Variants in TRIM16 observed in about 807,000 individuals in gnomAD.
TRIM16 encodes tripartite motif containing 16.
Under a neutral mutation model 50.4 loss-of-function variants are expected in TRIM16, and 33 were observed. That is an observed-to-expected ratio of 0.65 (90% CI 0.50 to 0.88). The LOEUF is 0.88. TRIM16 is among the 40% of genes least tolerant of loss of function. The pLI is 0.00. For missense variants in TRIM16, 581 were observed against 686.8 expected, an observed-to-expected ratio of 0.85 and a Z score of 1.72; for synonymous variants, 229 against 270.7, an observed-to-expected ratio of 0.85 and a Z score of 1.51.
chr17:15,643,144 A>C, intron 7 of TRIM16: 7 of 1,070,846 alleles, frequency 6.5e-6, no homozygotes, highest in East Asian at 6.6e-5. Flanking sequence ...ACCCCCAACA[A>C]TCTGAATGGA....
chr17:15,632,761 T>C, intron 9 of TRIM16, 87 bp from the exon 10 acceptor site: 6 of 1,398,164 alleles, frequency 4.3e-6, no homozygotes, highest in Non-Finnish European at 5.7e-6. Context: ...TTTTTGCATC[T>C]GTAAAATGGG....
intron 7 of TRIM16, among the ~76,000 whole-genome samples, chr17:15,645,898 G>C (rs1987353087): frequency 1.3e-5 from 2 of 152,322 alleles, no homozygotes; most frequent in South Asian, 4.1e-4. Flanking sequence ...CCTATTTGGG[G>C]GCAATCCTGG....
rs560453960 is a variant in TRIM16 at position 15,635,088 on chromosome 17, T to G, written c.849+948A>C. ...ATTATGGATTTTTTTTCTTCTTTTT[T>G]TGTACTTTCCAAGTTTTTCACAATA... On this transcript the variant is annotated intron_variant, in intron 9 of 11. Transcript: ENST00000649191. 4.0e-5 allele frequency among the ~76,000 whole-genome samples: 6 copies of G among 148,232 alleles called. 1 individual carries two copies. The South Asian group carries it at 1.3e-3, about 32-fold the overall frequency.
Position 15,639,078 on chromosome 17 carries a change from A to C in TRIM16, c.616-2809T>G, listed in dbSNP as rs1283448508. ...TTTTTTTTTTTTTTTTTTTTAGACA[A>C]GGTCTCCTCTGTTGCCAGGTTGGAG... On this transcript the variant is annotated intron_variant, in intron 8 of 11. Transcript: ENST00000649191. 4.3e-5 allele frequency among the ~76,000 whole-genome samples: 5 copies of C among 116,416 alleles called. 1 individual carries two copies. Among genetic ancestry groups the C allele is most frequent in the Non-Finnish European group, 6.6e-5 (4 of 60,366 alleles). The allele number at this position is 116,416 out of a possible 152,430, so 76.4% of individuals were successfully genotyped here.
intron 6 of TRIM16, among the ~76,000 whole-genome samples, chr17:15,658,346 T>C (rs1262263337): frequency 1.3e-5 from 2 of 152,190 alleles, no homozygotes; most frequent in African/African-American, 4.8e-5. Flanking sequence ...AAAGAAGCTA[T>C]CCAAGCGTTT....
chr17:15,667,730 A>G (rs9914511), intron 6 of TRIM16, among the ~76,000 whole-genome samples: 3,500 of 152,148 alleles, frequency 0.023, 136 homozygotes, highest in African/African-American at 0.079. Flanking sequence ...TATACCCCAC[A>G]CCCAATAGGG....
chr17:15,665,326 A>T (rs4792647), intron 6 of TRIM16, among the ~76,000 whole-genome samples: 5 of 149,110 alleles, frequency 3.4e-5, no homozygotes, highest in Non-Finnish European at 5.9e-5. Context: ...TGGCTAACCC[A>T]GTGAAACCCC....
chr17:15,674,452 T>C (rs570612966), intron 6 of TRIM16, among the ~76,000 whole-genome samples: 1 of 152,146 alleles, frequency 6.6e-6, no homozygotes, highest in Admixed American at 6.5e-5. Context: ...TGTAACAGAG[T>C]TTGGCCCCAT....
chr17:15,637,078 C>G lies in TRIM16; in HGVS notation c.616-809G>C, dbSNP rs374922547. On this transcript the variant is annotated intron_variant, in intron 8 of 11. Coordinates refer to ENST00000649191, the MANE Select transcript of TRIM16 (RefSeq NM_001348119.1). ...GCCACCCCATCTGGGAAGTGAGGAG[C>G]GTCTCCGCCCGGCAGCCACCCCGTC... 7.1e-3 allele frequency among the ~76,000 whole-genome samples: 1,031 copies of G among 145,272 alleles called. 47 individuals carry two copies. Among genetic ancestry groups the G allele is most frequent in the African/African-American group, 0.025 (983 of 39,200 alleles).
At chr17:15,654,676 C>T (rs763138187) in intron 6 of TRIM16, among the ~76,000 whole-genome samples, 22 of 152,068 alleles carry the variant, frequency 1.4e-4, no homozygotes, top group Non-Finnish European at 2.6e-4. Context: ...CATGTTTTTT[C>T]CTTGAAAAGT....
intron 8 of TRIM16, among the ~76,000 whole-genome samples, chr17:15,640,721 C>T (rs1456203905): frequency 6.7e-6 from 1 of 148,880 alleles, no homozygotes; most frequent in Non-Finnish European, 1.5e-5. Context: ...GGAGCGGGGG[C>T]AAATGGTGGT....
intron 9 of TRIM16, among the ~76,000 whole-genome samples, chr17:15,633,399 A>G (rs1986531207): frequency 6.6e-6 from 1 of 151,132 alleles, no homozygotes; most frequent in South Asian, 2.1e-4. Flanking sequence ...AATGCTATAT[A>G]CTGTACATGA....
chr17:15,632,109 C>T, intron 10 of TRIM16: 2 of 303,924 alleles, frequency 6.6e-6, no homozygotes, highest in South Asian at 6.8e-5. Context: ...AGACATTTGA[C>T]TGGGCACGGT....
chr17:15,665,305 C>A (rs145136441), intron 6 of TRIM16, among the ~76,000 whole-genome samples: 10,001 of 151,678 alleles, frequency 0.066, 982 homozygotes, highest in African/African-American at 0.23. Context: ...GAGGTCAGAT[C>A]GAGACCATCC....
chr17:15,682,984 G>A, intron 2 of TRIM16, 33 bp from the exon 3 acceptor site: 1 of 1,549,650 alleles, frequency 6.5e-7, no homozygotes, highest in Non-Finnish European at 8.7e-7. Flanking sequence ...GGTTGTGTGT[G>A]CATACTGCAG....
At position 15,628,528 on chromosome 17, in the gene TRIM16, T is replaced by A. The variant is rs1986217706; in HGVS notation, c.*87A>T. The A allele has an allele frequency of 1.4e-6, 2 of 1,388,766 alleles. No individual in the cohort carries two copies. The highest frequency in any genetic ancestry group is 5.3e-5 in the Admixed American group (2 of 37,804). 86.0% of individuals were successfully genotyped at this position (1,388,766 alleles called of 1,614,324 possible). ...ATAGGATTTCAAAAGCCAGCTACCA[T>A]CAGCAGTTATTTCTGCCCCCAAATC... is the stretch of plus-strand genomic sequence containing the variant. On this transcript the variant is annotated 3_prime_UTR_variant, in exon 12 of 12. Coordinates refer to ENST00000649191, the MANE Select transcript of TRIM16 (RefSeq NM_001348119.1).
intron 7 of TRIM16, among the ~76,000 whole-genome samples, chr17:15,647,219 G>A (rs1225056726): frequency 1.3e-5 from 2 of 150,906 alleles, no homozygotes; most frequent in African/African-American, 2.5e-5. Context: ...TGATCCACCC[G>A]CCTCGGCCTG....
At chr17:15,679,172 T>A (rs1200661454) in intron 4 of TRIM16, among the ~76,000 whole-genome samples, 1 of 152,008 alleles carries the variant, frequency 6.6e-6, no homozygotes, top group African/African-American at 2.4e-5. Flanking sequence ...AGCCACCGCA[T>A]CCAGCCAACA....
chr17:15,665,825 T>C (rs1988474956), intron 6 of TRIM16, among the ~76,000 whole-genome samples: 3 of 152,116 alleles, frequency 2.0e-5, no homozygotes. Flanking sequence ...CAGACCTGTA[T>C]ATCCAACTAC....
Sources: gnomAD v4.1 joint callset for allele counts (sites outside exome capture counted in the v4.1 genomes callset) on GRCh38, gnomAD v4.1.1 for gene constraint, MANE v1.5 for transcripts, NCBI Gene and HGNC (gene_info 2026-07-23, HGNC 2026-07-21) for gene names.